ARB2A: variants seen among roughly 807,000 people sequenced by gnomAD.
ARB2A encodes the protein cotranscriptional regulator ARB2A.
chr5:93,967,158 A>C, the ARB2A span, among the ~76,000 whole-genome samples: 1 of 152,152 alleles, frequency 6.6e-6, no homozygotes, highest in Non-Finnish European at 1.5e-5. Flanking sequence ...TTCAAAAAGG[A>C]GATGAAAAAA....
the ARB2A span, among the ~76,000 whole-genome samples, chr5:93,770,567 C>A: frequency 6.6e-6 from 1 of 152,104 alleles, no homozygotes; most frequent in Non-Finnish European, 1.5e-5. Flanking sequence ...CCCATTGTCT[C>A]AGCCCAAAAT....
chr5:93,945,811 C>T, the ARB2A span, among the ~76,000 whole-genome samples: 1 of 151,924 alleles, frequency 6.6e-6, no homozygotes, highest in African/African-American at 2.4e-5. Flanking sequence ...AACAATGAAA[C>T]AAATAACAAT....
the ARB2A span, among the ~76,000 whole-genome samples, chr5:93,891,597 C>G: frequency 2.0e-5 from 3 of 152,004 alleles, no homozygotes; most frequent in Non-Finnish European, 2.9e-5. Context: ...CTCATTTTGT[C>G]TTTTTGCTGG....
At chr5:93,756,693 C>T in the ARB2A span, among the ~76,000 whole-genome samples, 8 of 151,782 alleles carry the variant, frequency 5.3e-5, no homozygotes, top group Admixed American at 1.3e-4. Context: ...ACCAAGGGAA[C>T]ACACTGTGGG....
At chr5:93,660,604 C>G in the ARB2A span, among the ~76,000 whole-genome samples, 1 of 152,080 alleles carries the variant, frequency 6.6e-6, no homozygotes, top group Non-Finnish European at 1.5e-5. Flanking sequence ...AGAGATTTAG[C>G]AGGAACAAGA....
At chr5:93,618,094 A>T in the ARB2A span, 1 of 152,168 alleles carries the variant, frequency 6.6e-6, no homozygotes, top group Admixed American at 6.5e-5. Flanking sequence ...TTTTTATTTT[A>T]AAATGGAAAT....
the ARB2A span, among the ~76,000 whole-genome samples, chr5:93,991,362 C>A: frequency 1.3e-5 from 2 of 152,012 alleles, no homozygotes; most frequent in South Asian, 2.1e-4. Flanking sequence ...AGACACTCAT[C>A]AACATAATAT....
chr5:93,655,692 C>A, the ARB2A span, among the ~76,000 whole-genome samples: 2 of 152,142 alleles, frequency 1.3e-5, no homozygotes, highest in Non-Finnish European at 2.9e-5. Flanking sequence ...TTATATTACT[C>A]TGCAGTACAA....
At chr5:93,738,957 C>A in the ARB2A span, 1 of 152,018 alleles carries the variant, frequency 6.6e-6, no homozygotes, top group South Asian at 2.1e-4. Context: ...ATCACACACA[C>A]AAAAATAGGC....
chr5:94,102,236 T>C, the ARB2A span, among the ~76,000 whole-genome samples: 2 of 151,972 alleles, frequency 1.3e-5, no homozygotes, highest in Non-Finnish European at 2.9e-5. Context: ...ATCATCAAGA[T>C]TCAGGAGAAA....
the ARB2A span, chr5:94,111,582 G>A: frequency 6.6e-6 from 1 of 152,320 alleles, no homozygotes; most frequent in African/African-American, 2.4e-5. Flanking sequence ...TTCGCCAGTC[G>A]AACTCCCTCG....
chr5:94,089,084 G>C, the ARB2A span, among the ~76,000 whole-genome samples: 1 of 152,178 alleles, frequency 6.6e-6, no homozygotes, highest in African/African-American at 2.4e-5. Flanking sequence ...ACTGGAGGGA[G>C]GACTTGATGT....
the ARB2A span, among the ~76,000 whole-genome samples, chr5:94,057,363 G>A: frequency 2.7e-4 from 41 of 152,132 alleles, no homozygotes; most frequent in African/African-American, 8.0e-4. Flanking sequence ...AAAGTAGAAC[G>A]GTGGTTGCTG....
At chr5:93,950,684 G>A in the ARB2A span, among the ~76,000 whole-genome samples, 9 of 151,396 alleles carry the variant, frequency 5.9e-5, no homozygotes, top group African/African-American at 1.7e-4. Flanking sequence ...AGTGGCTCAC[G>A]CTGTAATCCC....
At chr5:93,764,833 A>G in the ARB2A span, among the ~76,000 whole-genome samples, 1 of 152,178 alleles carries the variant, frequency 6.6e-6, no homozygotes, top group Non-Finnish European at 1.5e-5. Flanking sequence ...GCACATCAAA[A>G]AGCTTATCCA....
the ARB2A span, among the ~76,000 whole-genome samples, chr5:93,787,182 AG>A: frequency 6.6e-6 from 1 of 152,190 alleles, no homozygotes; most frequent in African/African-American, 2.4e-5. Context: ...AAAAAAGATA[AG>A]ACCATGTGAT....
chr5:93,620,956 A>G, the ARB2A span: 2 of 1,598,568 alleles, frequency 1.3e-6, no homozygotes, highest in South Asian at 1.1e-5. Flanking sequence ...TGGGTGCGCC[A>G]GGGCGGCCTC....
the ARB2A span, among the ~76,000 whole-genome samples, chr5:94,092,172 C>CA: frequency 0.25 from 32,068 of 129,728 alleles, 3,621 homozygotes; most frequent in Admixed American, 0.35. Flanking sequence ...CTTGTCTTTC[C>CA]AAAAAAAAAA....
At chr5:93,979,938 C>CT in the ARB2A span, among the ~76,000 whole-genome samples, 1 of 152,074 alleles carries the variant, frequency 6.6e-6, no homozygotes, top group Non-Finnish European at 1.5e-5. Flanking sequence ...AGTTCAAAGA[C>CT]TTTAGAGAGA....
Sources: allele counts gnomAD v4.1 joint callset (sites outside exome capture counted in the v4.1 genomes callset), GRCh38; gene constraint gnomAD v4.1.1; transcripts MANE v1.5; gene names NCBI Gene and HGNC (gene_info 2026-07-23, HGNC 2026-07-21).